Variants in ANO3 observed in about 807,000 individuals in gnomAD.
ANO3 encodes the protein anoctamin 3.
A neutral mutation model predicts 144.8 loss-of-function variants in ANO3; 99 were observed. The ratio of observed to expected loss-of-function variants is 0.68; its 90% CI spans 0.58 to 0.81. The LOEUF is 0.81. Among genes scored for constraint, ANO3 ranks in the 30% least tolerant of loss-of-function variants. ANO3 has a pLI of 0.00. For synonymous variants in ANO3, 414 were observed against 392.6 expected (o/e 1.05, Z -0.64); for missense variants, 905 against 1,202.2 (o/e 0.75, Z 3.66).
At chr11:26,424,960 C>T (rs1590347988) in intron 1 of ANO3, among the ~76,000 whole-genome samples, 1 of 151,844 alleles carries the variant, frequency 6.6e-6, no homozygotes, top group African/African-American at 2.4e-5. Context: ...CATATGTATA[C>T]ATGTGCCATG....
At chr11:26,323,008 T>C (rs1397000464) in intron 1 of ANO3, among the ~76,000 whole-genome samples, 1 of 152,174 alleles carries the variant, frequency 6.6e-6, no homozygotes, top group Non-Finnish European at 1.5e-5. Context: ...TTACTTCATT[T>C]ATTTTGGTGC....
intron 18 of ANO3, among the ~76,000 whole-genome samples, chr11:26,624,937 T>TTC (rs979869136): frequency 2.2e-4 from 33 of 151,604 alleles, no homozygotes; most frequent in Middle Eastern, 6.8e-3. Context: ...TTTTTTTTTT[T>TTC]CTGAGATGGA....
At chr11:26,267,128 C>G (rs986736427) in intron 1 of ANO3, among the ~76,000 whole-genome samples, 1 of 151,100 alleles carries the variant, frequency 6.6e-6, no homozygotes, top group Admixed American at 6.6e-5. Flanking sequence ...AAGAAAAAGA[C>G]TTTTGTATAT....
intron 1 of ANO3, among the ~76,000 whole-genome samples, chr11:26,412,826 G>GTGTGTGTGTGTGTGTGTGTA (rs1157559353): frequency 2.8e-3 from 430 of 151,302 alleles, no homozygotes; most frequent in African/African-American, 9.5e-3. Context: ...GTGTGTGTGT[G>GTGTGTGTGTGTGTGTGTGTA]TGTATGTATG....
intron 4 of ANO3, among the ~76,000 whole-genome samples, chr11:26,492,614 C>T (rs756275021): frequency 6.6e-6 from 1 of 152,120 alleles, no homozygotes; most frequent in African/African-American, 2.4e-5. Flanking sequence ...ATAATTATAA[C>T]GATAAGTACA....
At position 26,537,458 on chromosome 11, in the gene ANO3, T is replaced by C. The variant is rs753304874; in HGVS notation, c.1029T>C (p.His343=). The C allele has an allele frequency of 2.5e-6, 4 of 1,612,742 alleles. No homozygotes were observed. The highest frequency in any genetic ancestry group is 1.7e-4 in the Middle Eastern group (1 of 6,058). ...CATACATAGCAGCGTTTCCACCACA[T>C]GAGGTAATTTTGAAATACAGTTTCC... ...NGSYIAAFPP[H]EGAYKSSQPI... The change falls in exon 10 of 27, where the codon CAT becomes CAC. Residue 343 remains histidine (H), a synonymous_variant. Coordinates refer to ENST00000256737, the MANE Select transcript of ANO3 (RefSeq NM_031418.4).
chr11:26,382,180 G>A (rs1204875207), intron 1 of ANO3, among the ~76,000 whole-genome samples: 6 of 152,282 alleles, frequency 3.9e-5, no homozygotes, highest in African/African-American at 1.4e-4. Flanking sequence ...GGTTGCTTAA[G>A]CAATGGTAAA....
At chr11:26,374,006 T>C (rs955228113) in intron 1 of ANO3, among the ~76,000 whole-genome samples, 1 of 152,212 alleles carries the variant, frequency 6.6e-6, no homozygotes, top group Non-Finnish European at 1.5e-5. Flanking sequence ...TGATAGGTAG[T>C]GCTTCCATGC....
At chr11:26,505,135 A>C (rs390289) in intron 4 of ANO3, among the ~76,000 whole-genome samples, 3,956 of 152,120 alleles carry the variant, frequency 0.026, 145 homozygotes, top group African/African-American at 0.086. Flanking sequence ...TAATGGTGGA[A>C]GTAATGAAGG....
intron 5 of ANO3, among the ~76,000 whole-genome samples, chr11:26,511,690 G>A (rs1357481998): frequency 1.3e-5 from 2 of 152,144 alleles, no homozygotes; most frequent in Non-Finnish European, 2.9e-5. Context: ...AAGGGAAGGA[G>A]GGAAATTTTA....
chr11:26,458,618 C>T lies in ANO3; in HGVS notation c.314-4412C>T, dbSNP rs1222916158. The stretch of plus-strand genomic sequence containing the variant: ...AGATTATAGTTTAAGCATTTCTGTA[C>T]ATTGCCAGTCTGCAAAGCAATTTAA... On this transcript the variant is annotated intron_variant, in intron 3 of 26. Transcript: ENST00000256737. 8.0e-4 allele frequency among the ~76,000 whole-genome samples: 121 copies of T among 152,114 alleles called. 1 individual carries two copies. The highest frequency in any genetic ancestry group is 8.8e-5 in the Non-Finnish European group (6 of 68,004).
chr11:26,647,888 T>C, intron 24 of ANO3, 32 bp downstream of exon 24: 2 of 1,580,374 alleles, frequency 1.3e-6, no homozygotes, highest in Non-Finnish European at 1.7e-6. Flanking sequence ...TTTCCTGATA[T>C]GTTTTACATT....
chr11:26,358,170 C>CTTTA (rs369840718), intron 1 of ANO3, among the ~76,000 whole-genome samples: 5 of 119,660 alleles, frequency 4.2e-5, no homozygotes, highest in Non-Finnish European at 3.3e-5. Context: ...ACAATTTCAA[C>CTTTA]TTTTTTTTTT....
rs531529057 is a variant in ANO3 at position 26,363,369 on chromosome 11, C to CAGTTTTGAAGTTTTGAAGTTTTGA, written c.46+31061_46+31062insTGAAGTTTTGAAGTTTTGAAGTTT. On this transcript the variant is annotated intron_variant, in intron 1 of 26. Transcript: ENST00000256737. ...TTAAGAAACAGAAATGTATTTCTCA[C>CAGTTTTGAAGTTTTGAAGTTTTGA]AGTTTTGAAGTTTAATTTCAGGAGG... Among the ~76,000 whole-genome samples the CAGTTTTGAAGTTTTGAAGTTTTGA allele has an allele frequency of 1.8e-4, 28 of 152,284 alleles. 1 individual carries two copies. Among genetic ancestry groups the CAGTTTTGAAGTTTTGAAGTTTTGA allele is most frequent in the Admixed American group, 7.2e-4 (11 of 15,300 alleles).
In ANO3 at chr11:26,324,803, A is replaced by G. The variant is rs965226134; in HGVS notation, c.-3+15084A>G. Reference sequence around the variant, plus strand: ...ACATGTAACAACGAAAATACACAAAATACTAATATTACCGTTAGGTACTCC... The same window carrying G: ...ACATGTAACAACGAAAATACACAAAGTACTAATATTACCGTTAGGTACTCC... On this transcript the variant is annotated intron_variant, in intron 1 of 26. Transcript: ENST00000525139. Among the ~76,000 whole-genome samples, 6 of 152,294 alleles carry G rather than the reference A, an allele frequency of 3.9e-5. No individual in the cohort carries two copies. The East Asian group carries it at 9.7e-4, about 25-fold the overall frequency.
chr11:26,252,022 GT>G lies in ANO3; in HGVS notation c.155-57615del, dbSNP rs375485914. Among the ~76,000 whole-genome samples, 181 of 151,928 alleles carry G rather than the reference GT, an allele frequency of 1.2e-3. 4 individuals are homozygous for G. The Middle Eastern group carries it at 0.017, about 14-fold the overall frequency. ...GAAATGGTTTCAAGTGTTCTTTAAT[GT>G]TTTTTTTCTAGAGAAAAGCATGTGT... On this transcript the variant is annotated intron_variant, in intron 1 of 27. Coordinates refer to the ANO3 transcript ENST00000672621.
chr11:26,451,740 C>T (rs951332698), intron 3 of ANO3, among the ~76,000 whole-genome samples: 1 of 152,190 alleles, frequency 6.6e-6, no homozygotes, highest in African/African-American at 2.4e-5. Flanking sequence ...CAGTGGTTCT[C>T]CCAGCATGCA....
chr11:26,628,229 G>A (rs1303402134), intron 18 of ANO3, among the ~76,000 whole-genome samples: 1 of 152,068 alleles, frequency 6.6e-6, no homozygotes. Context: ...GCCAACTAAT[G>A]AAAAGAGTTT....
At chr11:26,213,199 A>G (rs899628457) in intron 1 of ANO3, among the ~76,000 whole-genome samples, 1 of 152,198 alleles carries the variant, frequency 6.6e-6, no homozygotes, top group African/African-American at 2.4e-5. Context: ...ACAAGCTGGA[A>G]ACATTACCTT....
Sources: allele counts gnomAD v4.1 joint callset (sites outside exome capture counted in the v4.1 genomes callset), GRCh38; gene constraint gnomAD v4.1.1; transcripts MANE v1.5; gene names NCBI Gene and HGNC (gene_info 2026-07-23, HGNC 2026-07-21).